Variants in EYS observed in about 807,000 individuals in gnomAD.
EYS encodes the protein protein eyes shut homolog.
In EYS, 250 loss-of-function variants were observed where a neutral mutation model predicts 282.1. That is an observed-to-expected ratio of 0.89 (90% CI 0.80 to 0.98). The LOEUF (loss-of-function observed/expected upper bound fraction) is 0.98. Among genes scored for constraint, EYS ranks in the 50% least tolerant of loss-of-function variants. The pLI is 0.00. For missense variants in EYS, 4,016 were observed against 3,709.0 expected (o/e 1.08, Z -2.15); for synonymous variants, 1,355 against 1,282.9 (o/e 1.06, Z -1.20).
At chr6:65,587,153 T>G (rs1016481179) in intron 2 of EYS, among the ~76,000 whole-genome samples, 2 of 152,050 alleles carry the variant, frequency 1.3e-5, no homozygotes. Flanking sequence ...GCTGTTTAGA[T>G]TATAGTACAA....
At chr6:65,321,868 G>T (rs1380906035) in intron 11 of EYS, among the ~76,000 whole-genome samples, 1 of 152,184 alleles carries the variant, frequency 6.6e-6, no homozygotes, top group Non-Finnish European at 1.5e-5. Flanking sequence ...GAGATGGAAA[G>T]TTAGTGAAGG....
intron 30 of EYS, among the ~76,000 whole-genome samples, chr6:64,251,353 T>C (rs1767210011): frequency 6.6e-6 from 1 of 152,112 alleles, no homozygotes; most frequent in African/African-American, 2.4e-5. Context: ...GGTGAGAATA[T>C]GTGGACCTCA....
intron 41 of EYS, among the ~76,000 whole-genome samples, chr6:63,752,913 C>T (rs909964233): frequency 6.6e-6 from 1 of 151,710 alleles, no homozygotes; most frequent in African/African-American, 2.4e-5. Flanking sequence ...TGAGTAGCAA[C>T]CTGTTGTATG....
chr6:64,765,028 C>T (rs1244187899), intron 22 of EYS, among the ~76,000 whole-genome samples: 10 of 152,202 alleles, frequency 6.6e-5, no homozygotes, highest in African/African-American at 1.7e-4. Flanking sequence ...TCAGCCACCG[C>T]GCCTGCCCCT....
chr6:65,218,729 G>A (rs1435701029), intron 12 of EYS, among the ~76,000 whole-genome samples: 1 of 152,068 alleles, frequency 6.6e-6, no homozygotes, highest in Non-Finnish European at 1.5e-5. Flanking sequence ...AACTTCAGAT[G>A]TCTCACCAGA....
intron 12 of EYS, among the ~76,000 whole-genome samples, chr6:65,240,236 G>A (rs907961124): frequency 6.6e-6 from 1 of 152,024 alleles, no homozygotes; most frequent in Non-Finnish European, 1.5e-5. Flanking sequence ...CCAAAGTGCT[G>A]GGATTACAGA....
intron 12 of EYS, among the ~76,000 whole-genome samples, chr6:65,081,907 T>C (rs939402999): frequency 2.6e-5 from 4 of 152,080 alleles, no homozygotes; most frequent in Non-Finnish European, 5.9e-5. Flanking sequence ...ATTAGGGCTG[T>C]CACAGGCCAT....
chr6:64,428,014 T>A (rs1212219816), intron 28 of EYS, among the ~76,000 whole-genome samples: 1 of 152,232 alleles, frequency 6.6e-6, no homozygotes, highest in East Asian at 1.9e-4. Flanking sequence ...ACTATGGTGA[T>A]CTACAAGAAA....
intron 22 of EYS, among the ~76,000 whole-genome samples, chr6:64,679,029 T>A (rs1195104901): frequency 1.3e-5 from 2 of 151,324 alleles, no homozygotes; most frequent in African/African-American, 4.8e-5. Context: ...GTTCAATATG[T>A]TATACACTTA....
rs1766225707 is a variant in EYS, at chr6:65,495,482, A to G, written c.-72T>C. 2.6e-6 allele frequency: 4 copies of G among 1,521,196 alleles called. No homozygotes were observed. The Admixed American group carries it at 7.0e-5, about 27-fold the overall frequency. The allele number at this position is 1,521,196 out of a possible 1,614,324, so 94.2% of individuals were successfully genotyped here. A position where few individuals can be genotyped will look rare whatever the true frequency, so the allele number is the denominator to read the frequency against. ...AATGGTGTTTTAAGTATTACCGGAA[A>G]TTTCCAAGTAAAGTTGTGGTTAAGG... On this transcript the variant is annotated 5_prime_UTR_variant, in exon 4 of 43. Transcript: ENST00000503581.
At chr6:64,381,018 GAAAAAAA>G (rs113430990) in intron 29 of EYS, among the ~76,000 whole-genome samples, 1 of 73,086 alleles carries the variant, frequency 1.4e-5, no homozygotes, top group Non-Finnish European at 3.1e-5. Context: ...CTCCATCTCA[GAAAAAAA>G]AAAAAAAAAA....
chr6:65,022,087 A>T (rs570503493), intron 13 of EYS, among the ~76,000 whole-genome samples: 1 of 152,340 alleles, frequency 6.6e-6, no homozygotes, highest in Non-Finnish European at 1.5e-5. Context: ...TAATAATTTA[A>T]CATATATTTC....
chr6:64,990,237 G>T (rs555822985), intron 14 of EYS, among the ~76,000 whole-genome samples: 1 of 151,380 alleles, frequency 6.6e-6, no homozygotes, highest in Non-Finnish European at 1.5e-5. Flanking sequence ...CCCCTTAAAT[G>T]CATGATATGA....
intron 26 of EYS, among the ~76,000 whole-genome samples, chr6:64,519,517 A>G (rs770307835): frequency 6.6e-6 from 1 of 151,832 alleles, no homozygotes; most frequent in Non-Finnish European, 1.5e-5. Context: ...CTTTATGTGT[A>G]CCTGTGACTT....
intron 31 of EYS, among the ~76,000 whole-genome samples, chr6:64,146,910 T>C (rs1774537078): frequency 6.6e-6 from 1 of 152,214 alleles, no homozygotes; most frequent in Admixed American, 6.6e-5. Flanking sequence ...TTTATTTCCA[T>C]TTTTCTGATG....
At chr6:63,867,465 T>C (rs1240792718) in intron 35 of EYS, among the ~76,000 whole-genome samples, 1 of 152,162 alleles carries the variant, frequency 6.6e-6, no homozygotes, top group Non-Finnish European at 1.5e-5. Flanking sequence ...GGTGAAGTTT[T>C]TACCTATACA....
chr6:65,130,802 A>T (rs529274360), intron 12 of EYS, among the ~76,000 whole-genome samples: 1 of 142,282 alleles, frequency 7.0e-6, no homozygotes, highest in South Asian at 2.1e-4. Flanking sequence ...ACTAAAGTTA[A>T]AAAAAAAAAA....
intron 35 of EYS, among the ~76,000 whole-genome samples, chr6:63,947,390 T>A (rs1765430507): frequency 6.6e-6 from 1 of 152,052 alleles, no homozygotes; most frequent in Non-Finnish European, 1.5e-5. Context: ...AAATTAGTGA[T>A]TTTTATTAAA....
rs11412660 is a variant in EYS, at chr6:65,144,770, T to TC, written c.2024-87044_2024-87043insG. On this transcript the variant is annotated intron_variant, in intron 12 of 42. Transcript: ENST00000503581. ...TTATTTTACCCATTAGTTTACTTACTTTTTTTTTTTTTGAGATGGAGTCTC... is the reference window on the plus strand; with the variant it reads ...TTATTTTACCCATTAGTTTACTTACTCTTTTTTTTTTTTGAGATGGAGTCTC... Among the ~76,000 whole-genome samples the TC allele has an allele frequency of 7.7e-3, 971 of 126,416 alleles. 13 individuals are homozygous for TC. Among genetic ancestry groups the TC allele is most frequent in the African/African-American group, 0.024 (913 of 37,692 alleles). The allele number at this position is 126,416 out of a possible 152,430, so 82.9% of individuals were successfully genotyped here.
Sources: gnomAD v4.1 joint callset for allele counts (sites outside exome capture counted in the v4.1 genomes callset) on GRCh38, gnomAD v4.1.1 for gene constraint, MANE v1.5 for transcripts, NCBI Gene and HGNC (gene_info 2026-07-23, HGNC 2026-07-21) for gene names.